FRMD4A: variants seen among roughly 807,000 people sequenced by gnomAD.
FRMD4A encodes FERM domain containing 4A.
Under a neutral mutation model 129.1 loss-of-function variants are expected in FRMD4A, and 29 were observed. That is an observed-to-expected ratio of 0.22 (90% CI 0.17 to 0.31). The LOEUF is 0.31. FRMD4A is among the 10% of genes least tolerant of loss of function. The probability of loss-of-function intolerance (pLI) is 1.00; values close to 1 mark genes in which losing one functional copy is unlikely to be tolerated. For missense variants in FRMD4A, 1,272 were observed against 1,375.8 expected (o/e 0.92, Z 1.19); for synonymous variants, 634 against 571.6 (o/e 1.11, Z -1.56).
intron 2 of FRMD4A, among the ~76,000 whole-genome samples, chr10:13,912,629 C>T (rs1398769408): frequency 1.3e-5 from 2 of 149,862 alleles, no homozygotes; most frequent in East Asian, 2.0e-4. Context: ...CCCGAGTTCA[C>T]GCCGTTTTCC....
chr10:13,783,645 G>T (rs910353669), intron 5 of FRMD4A, among the ~76,000 whole-genome samples: 21 of 151,902 alleles, frequency 1.4e-4, no homozygotes, highest in African/African-American at 4.8e-4. Context: ...TGGGGTAATA[G>T]ATGTGAGCCA....
intron 2 of FRMD4A, among the ~76,000 whole-genome samples, chr10:13,933,442 A>G (rs12217398): frequency 0.033 from 5,031 of 152,258 alleles, 350 homozygotes; most frequent in East Asian, 0.27. Context: ...CATTTTCAAT[A>G]AATCCCTTCA....
chr10:14,264,149 A>T (rs1457830329), intron 2 of FRMD4A, among the ~76,000 whole-genome samples: 1 of 152,148 alleles, frequency 6.6e-6, no homozygotes, highest in African/African-American at 2.4e-5. Flanking sequence ...CCCTCCTATG[A>T]AGCTGGTAAT....
intron 2 of FRMD4A, among the ~76,000 whole-genome samples, chr10:14,289,044 A>T (rs1257438565): frequency 4.6e-5 from 7 of 152,216 alleles, no homozygotes; most frequent in African/African-American, 1.2e-4. Context: ...TTGTTTCTAC[A>T]TCTGGGCTAT....
intron 2 of FRMD4A, among the ~76,000 whole-genome samples, chr10:14,242,539 G>C (rs1844085431): frequency 6.6e-6 from 1 of 152,162 alleles, no homozygotes. Context: ...ACATACAAAG[G>C]ATAACTTTTG....
chr10:13,693,808 T>C (rs1009665617), intron 15 of FRMD4A, 90 bp downstream of exon 15: 1 of 1,343,872 alleles, frequency 7.4e-7, no homozygotes, highest in African/African-American at 1.4e-5. Flanking sequence ...CCCTGCAGTC[T>C]CCCCAGCTGC....
intron 2 of FRMD4A, among the ~76,000 whole-genome samples, chr10:13,981,766 AG>A (rs2095562232): frequency 7.0e-6 from 1 of 143,194 alleles, no homozygotes; most frequent in African/African-American, 2.6e-5. Context: ...AAAAAAAAAA[AG>A]GGAGGCCAAA....
At chr10:13,847,170 G>A (rs1422657011) in intron 3 of FRMD4A, among the ~76,000 whole-genome samples, 1 of 152,212 alleles carries the variant, frequency 6.6e-6, no homozygotes, top group Non-Finnish European at 1.5e-5. Flanking sequence ...GAGTAGGAAT[G>A]ATGGGCTTCG....
intron 2 of FRMD4A, among the ~76,000 whole-genome samples, chr10:13,920,971 C>A (rs762373065): frequency 6.6e-6 from 1 of 152,222 alleles, no homozygotes; most frequent in Non-Finnish European, 1.5e-5. Context: ...ATCCTATCAT[C>A]CCCATTTTAC....
At chr10:14,012,319 T>C (rs1424474999) in intron 2 of FRMD4A, among the ~76,000 whole-genome samples, 1 of 152,142 alleles carries the variant, frequency 6.6e-6, no homozygotes, top group Non-Finnish European at 1.5e-5. Flanking sequence ...CTTTTGTTTG[T>C]TTGCTTTGAA....
chr10:14,064,255 T>C (rs961612047), intron 2 of FRMD4A, among the ~76,000 whole-genome samples: 5 of 152,242 alleles, frequency 3.3e-5, no homozygotes, highest in Non-Finnish European at 1.5e-5. Context: ...TATTGATGTT[T>C]TCCGTAACTA....
At chr10:13,769,263 G>A (rs1450786972) in intron 6 of FRMD4A, among the ~76,000 whole-genome samples, 1 of 151,390 alleles carries the variant, frequency 6.6e-6, no homozygotes, top group Admixed American at 6.6e-5. Context: ...ACTGGTCACC[G>A]TGTCTGTGGT....
chr10:13,852,224 A>C (rs1364870130), intron 3 of FRMD4A, among the ~76,000 whole-genome samples: 1 of 152,140 alleles, frequency 6.6e-6, no homozygotes, highest in Non-Finnish European at 1.5e-5. Flanking sequence ...GTGAGCCACA[A>C]AAGTTAGCCC....
chr10:13,650,972 G>A (rs2081530225), intron 24 of FRMD4A: 2 of 152,192 alleles, frequency 1.3e-5, no homozygotes, highest in Admixed American at 1.3e-4. Context: ...TAATACATAA[G>A]TGTAGCAGTT....
At chr10:14,058,620 C>T (rs1477130639) in intron 2 of FRMD4A, among the ~76,000 whole-genome samples, 1 of 152,172 alleles carries the variant, frequency 6.6e-6, no homozygotes, top group African/African-American at 2.4e-5. Context: ...TAGGGAGGCA[C>T]AGATTGGATT....
intron 2 of FRMD4A, among the ~76,000 whole-genome samples, chr10:14,219,346 C>G (rs1422651609): frequency 6.6e-6 from 1 of 152,194 alleles, no homozygotes; most frequent in African/African-American, 2.4e-5. Context: ...CCTAGGTATC[C>G]TGGAACCTAT....
chr10:13,976,546 ATTTTT>A lies in FRMD4A; in HGVS notation c.46-117639_46-117635del, dbSNP rs61706353. On this transcript the variant is annotated intron_variant, in intron 2 of 24. Transcript: ENST00000357447. ...TCACTGCTTCTGTAAAGACAGAGGA[ATTTTT>A]TTTTTTTTAAGCAACAAATGCCTTT... 9.4e-5 allele frequency among the ~76,000 whole-genome samples: 14 copies of A among 149,080 alleles called. No homozygotes were observed. In the East Asian group the frequency reaches 1.8e-3, roughly 19 times the overall value.
At chr10:14,057,860 A>G (rs1399923747) in intron 2 of FRMD4A, among the ~76,000 whole-genome samples, 2 of 152,190 alleles carry the variant, frequency 1.3e-5, no homozygotes, top group African/African-American at 4.8e-5. Context: ...GTGAGCCACA[A>G]CACCTGGCCT....
rs1181867196 is a variant in FRMD4A at position 13,647,023 on chromosome 10, A to C, written c.*15T>G. ...AGAGGGAGGAATCCAGGAAACAGCTATCATTGTAGCTCCTGTGGGAGGCCC... is the reference window on the plus strand; with the variant it reads ...AGAGGGAGGAATCCAGGAAACAGCTCTCATTGTAGCTCCTGTGGGAGGCCC... On this transcript the variant is annotated 3_prime_UTR_variant, in exon 25 of 25. Transcript: ENST00000357447. 1.9e-5 allele frequency: 18 copies of C among 961,166 alleles called. No individual in the cohort carries two copies. The highest frequency in any genetic ancestry group is 2.2e-5 in the Non-Finnish European group (18 of 807,440). The allele number at this position is 961,166 out of a possible 1,614,324, so 59.5% of individuals were successfully genotyped here. A position where few individuals can be genotyped will look rare whatever the true frequency, so the allele number is the denominator to read the frequency against.
Sources: allele counts gnomAD v4.1 joint callset (sites outside exome capture counted in the v4.1 genomes callset), GRCh38; gene constraint gnomAD v4.1.1; transcripts MANE v1.5; gene names NCBI Gene and HGNC (gene_info 2026-07-23, HGNC 2026-07-21).